The following TMEM87A variants were observed in gnomAD, a reference collection of about 807,000 sequenced individuals.
TMEM87A encodes the protein transmembrane protein 87A.
In TMEM87A, 50 loss-of-function variants were observed where a neutral mutation model predicts 90.0. The observed-to-expected ratio is 0.56, with a 90% CI of 0.44 to 0.70. The LOEUF (loss-of-function observed/expected upper bound fraction) is 0.70. Among genes scored for constraint, TMEM87A ranks in the 30% least tolerant of loss-of-function variants. The probability of loss-of-function intolerance (pLI) is 0.00; values close to 1 mark genes in which losing one functional copy is unlikely to be tolerated. For missense variants in TMEM87A, 577 were observed against 660.5 expected, an observed-to-expected ratio of 0.87 and a Z score of 1.39; for synonymous variants, 226 against 226.7, an observed-to-expected ratio of 1.00 and a Z score of 0.03.
intron 19 of TMEM87A, among the ~76,000 whole-genome samples, chr15:42,212,601 C>T (rs1438160172): frequency 3.3e-5 from 5 of 152,156 alleles, no homozygotes; most frequent in Non-Finnish European, 7.3e-5. Context: ...TTCCTAGCTT[C>T]CTCATTTTTG....
intron 3 of TMEM87A, among the ~76,000 whole-genome samples, chr15:42,264,683 G>GTA (rs1555409716): frequency 2.6e-5 from 3 of 116,382 alleles, no homozygotes; most frequent in African/African-American, 9.0e-5. Context: ...ATATGTGTGT[G>GTA]TATATATATA....
intron 3 of TMEM87A, among the ~76,000 whole-genome samples, chr15:42,266,064 G>A (rs1404691198): frequency 2.0e-5 from 3 of 152,076 alleles, no homozygotes; most frequent in Non-Finnish European, 4.4e-5. Flanking sequence ...CTGTTTCATT[G>A]GTCTTTGTGT....
At chr15:42,215,362 G>A (rs1172285334) in intron 19 of TMEM87A, among the ~76,000 whole-genome samples, 2 of 152,158 alleles carry the variant, frequency 1.3e-5, no homozygotes, top group South Asian at 4.1e-4. Context: ...TTTGCCGGGC[G>A]TGGTGGCGGG....
chr15:42,273,439 C>G, upstream of TMEM87A: 1 of 1,610,668 alleles, frequency 6.2e-7, no homozygotes, highest in Non-Finnish European at 8.5e-7. Flanking sequence ...ATTTCACCCT[C>G]TTCCGGTTCG....
chr15:42,239,176 G>T (rs2050828380), intron 8 of TMEM87A, among the ~76,000 whole-genome samples: 1 of 152,110 alleles, frequency 6.6e-6, no homozygotes, highest in Non-Finnish European at 1.5e-5. Context: ...GAGTAGCTGG[G>T]ACTACAGGCG....
At chr15:42,261,131 C>CG (rs1230718707) in intron 5 of TMEM87A, 65 bp downstream of exon 5, 2 of 1,566,242 alleles carry the variant, frequency 1.3e-6, no homozygotes, top group Non-Finnish European at 1.7e-6. Context: ...GCAGTGAGCA[C>CG]GGGTATCTCC....
intron 6 of TMEM87A, among the ~76,000 whole-genome samples, chr15:42,259,797 T>C: frequency 6.6e-6 from 1 of 152,126 alleles, no homozygotes; most frequent in African/African-American, 2.4e-5. Flanking sequence ...TAAGGTTCTG[T>C]GCAAGCAGGA....
chr15:42,222,148 C>A (rs1348389309), intron 15 of TMEM87A, among the ~76,000 whole-genome samples: 1 of 152,164 alleles, frequency 6.6e-6, no homozygotes, highest in East Asian at 1.9e-4. Context: ...GCAACCTCCC[C>A]CTCCTGGGGT....
rs142183414 is a variant in TMEM87A, at chr15:42,243,603, T to A, written c.622+447A>T. ...GGCGTGATCTCGGCTCACCACAACCTCCATCTCCCGGGTTCAAGCGATTCT... is the reference window on the plus strand; with the variant it reads ...GGCGTGATCTCGGCTCACCACAACCACCATCTCCCGGGTTCAAGCGATTCT... On this transcript the variant is annotated intron_variant, in intron 7 of 19. Transcript: ENST00000389834. Among the ~76,000 whole-genome samples the A allele has an allele frequency of 3.2e-3, 461 of 142,232 alleles. 5 individuals are homozygous for A. Among genetic ancestry groups the A allele is most frequent in the African/African-American group, 0.012 (443 of 38,012 alleles). 93.3% of individuals were successfully genotyped at this position (142,232 alleles called of 152,430 possible). A position where few individuals can be genotyped will look rare whatever the true frequency, so the allele number is the denominator to read the frequency against.
chr15:42,272,430 GTA>G (rs1207870115), intron 1 of TMEM87A, among the ~76,000 whole-genome samples: 1 of 152,128 alleles, frequency 6.6e-6, no homozygotes, highest in African/African-American at 2.4e-5. Context: ...TGAACAAAAG[GTA>G]TAACGTTTAC....
At chr15:42,215,798 A>T (rs1219421831) in intron 19 of TMEM87A, among the ~76,000 whole-genome samples, 2 of 152,344 alleles carry the variant, frequency 1.3e-5, no homozygotes, top group South Asian at 2.1e-4. Flanking sequence ...GAAATGTAAA[A>T]TGGTGCAATC....
At chr15:42,237,694 CTT>C (rs66512609) in intron 8 of TMEM87A, 79 bp from the exon 9 acceptor site, 397 of 786,966 alleles carry the variant, frequency 5.0e-4, no homozygotes, top group Admixed American at 1.5e-3. Context: ...TCAATATATA[CTT>C]TTTTTTTTTT....
intron 2 of TMEM87A, 36 bp downstream of exon 2, chr15:42,272,027 A>C (rs775716855): frequency 2.6e-6 from 4 of 1,534,522 alleles, no homozygotes; most frequent in Non-Finnish European, 3.5e-6. Flanking sequence ...AATTTTTAAA[A>C]TTCAAATTAA....
At chr15:42,265,929 G>A (rs1342272968) in intron 3 of TMEM87A, among the ~76,000 whole-genome samples, 1 of 152,108 alleles carries the variant, frequency 6.6e-6, no homozygotes, top group African/African-American at 2.4e-5. Flanking sequence ...ATCTGCATAT[G>A]GCCAGCACGC....
chr15:42,227,108 T>C, intron 14 of TMEM87A, 199 bp from the exon 15 acceptor site: 1 of 551,728 alleles, frequency 1.8e-6, no homozygotes, highest in Non-Finnish European at 3.2e-6. Flanking sequence ...GTGCTTACTG[T>C]TGTTAAAGAA....
chr15:42,258,580 C>A (rs2051227370), intron 6 of TMEM87A: 1 of 440,614 alleles, frequency 2.3e-6, no homozygotes, highest in African/African-American at 2.1e-5. Context: ...GTGCCTGCCA[C>A]CATGAGCAAC....
chr15:42,264,699 A>ATATATATTTTTTTTTTT (rs10681614), intron 3 of TMEM87A, among the ~76,000 whole-genome samples: 7 of 109,430 alleles, frequency 6.4e-5, no homozygotes, highest in South Asian at 3.0e-4. Context: ...ATATATATAT[A>ATATATATTTTTTTTTTT]TTTTTTTTTT....
chr15:42,240,734 T>C (rs1177106088), intron 7 of TMEM87A, among the ~76,000 whole-genome samples: 1 of 152,188 alleles, frequency 6.6e-6, no homozygotes, highest in Non-Finnish European at 1.5e-5. Context: ...GACTAATAAC[T>C]GTTCATTCAA....
At chr15:42,221,001 G>C (rs574213139) in intron 15 of TMEM87A, among the ~76,000 whole-genome samples, 2 of 152,010 alleles carry the variant, frequency 1.3e-5, no homozygotes, top group Non-Finnish European at 2.9e-5. Context: ...TTAGCTGGGC[G>C]TGGAGGTGCA....
Sources: allele counts gnomAD v4.1 joint callset (sites outside exome capture counted in the v4.1 genomes callset), GRCh38; gene constraint gnomAD v4.1.1; transcripts MANE v1.5; gene names NCBI Gene and HGNC (gene_info 2026-07-23, HGNC 2026-07-21).